WDPCP: variants seen among roughly 807,000 people sequenced by gnomAD.
WDPCP encodes WD repeat-containing and planar cell polarity effector protein fritz homolog.
In WDPCP, 71 loss-of-function variants were observed where a neutral mutation model predicts 93.1. The ratio of observed to expected loss-of-function variants is 0.76; its 90% CI spans 0.63 to 0.93. The LOEUF is 0.93. WDPCP is among the 40% of genes least tolerant of loss of function. The pLI, the probability that WDPCP is intolerant of heterozygous loss-of-function variation, is 0.00. For synonymous variants in WDPCP, 315 were observed against 315.0 expected, an observed-to-expected ratio of 1.00 and a Z score of 0.00; for missense variants, 844 against 887.4, an observed-to-expected ratio of 0.95 and a Z score of 0.62.
intron 2 of WDPCP, among the ~76,000 whole-genome samples, chr2:63,809,288 T>TGGG (rs1210540298): frequency 1.5e-5 from 2 of 132,034 alleles, no homozygotes; most frequent in Admixed American, 1.5e-4. Flanking sequence ...GGGAGGGAGG[T>TGGG]GGGGGTTCAG....
intron 2 of WDPCP, among the ~76,000 whole-genome samples, chr2:63,721,760 T>C (rs1669418720): frequency 1.1e-5 from 1 of 93,990 alleles, no homozygotes; most frequent in Non-Finnish European, 2.0e-5. Flanking sequence ...TCCCTCTCCC[T>C]CTCTTTCCAC....
At chr2:63,598,817 G>T (rs1000590387) in intron 3 of WDPCP, among the ~76,000 whole-genome samples, 1 of 148,302 alleles carries the variant, frequency 6.7e-6, no homozygotes, top group Non-Finnish European at 1.5e-5. Flanking sequence ...AAGCGTCCTT[G>T]TTCGTGAGAA....
chr2:63,776,510 C>G (rs539609078), intron 2 of WDPCP, among the ~76,000 whole-genome samples: 3 of 151,650 alleles, frequency 2.0e-5, no homozygotes, highest in Non-Finnish European at 4.4e-5. Flanking sequence ...CAAAAAATTA[C>G]CTGGGTGTGG....
intron 1 of WDPCP, among the ~76,000 whole-genome samples, chr2:63,494,981 G>A (rs1352451428): frequency 1.3e-5 from 2 of 151,358 alleles, no homozygotes; most frequent in African/African-American, 4.9e-5. Flanking sequence ...AAAGTGCACA[G>A]TGGATAGTGA....
intron 3 of WDPCP, among the ~76,000 whole-genome samples, chr2:63,637,976 T>C (rs1327896250): frequency 6.6e-6 from 1 of 152,200 alleles, no homozygotes; most frequent in Admixed American, 6.5e-5. Context: ...TAAAGAGATA[T>C]CTACACTCTC....
rs80258708 is a variant in WDPCP, at chr2:63,192,546, C to T, written c.1916-17714G>A. ...AAGGTAGGTATCATTACCCCATTTG[C>T]AGATACAGAAACTGAGGGTCAAAGA... On this transcript the variant is annotated intron_variant, in intron 14 of 17. Coordinates refer to ENST00000272321, the MANE Select transcript of WDPCP (RefSeq NM_015910.7). Among the ~76,000 whole-genome samples the T allele has an allele frequency of 7.9e-4, 120 of 152,308 alleles. 2 individuals carry two copies. The South Asian group carries it at 0.013, about 17-fold the overall frequency.
chr2:63,619,172 T>C (rs1326679970), intron 3 of WDPCP, among the ~76,000 whole-genome samples: 1 of 152,234 alleles, frequency 6.6e-6, no homozygotes, highest in African/African-American at 2.4e-5. Context: ...CCATGTTAGT[T>C]GGCTGGCCAT....
chr2:63,474,972 G>A (rs1367176008), intron 6 of WDPCP, among the ~76,000 whole-genome samples: 4 of 152,040 alleles, frequency 2.6e-5, no homozygotes, highest in East Asian at 3.8e-4. Context: ...GGGCTTCTCT[G>A]TGTTTTCCAA....
intron 13 of WDPCP, among the ~76,000 whole-genome samples, chr2:63,302,043 T>A (rs1449952531): frequency 6.6e-6 from 1 of 152,172 alleles, no homozygotes; most frequent in African/African-American, 2.4e-5. Context: ...AGAAGCAACT[T>A]CGAAGGGAAC....
intron 1 of WDPCP, among the ~76,000 whole-genome samples, chr2:63,521,083 A>G (rs1340394790): frequency 6.6e-6 from 1 of 152,144 alleles, no homozygotes; most frequent in East Asian, 1.9e-4. Flanking sequence ...GAAAGGAAAG[A>G]CTGTCACCAG....
At chr2:63,530,888 G>GA (rs397775458) in intron 1 of WDPCP, among the ~76,000 whole-genome samples, 5 of 151,808 alleles carry the variant, frequency 3.3e-5, no homozygotes, top group African/African-American at 9.7e-5. Flanking sequence ...AGCAAGGCGG[G>GA]CATTGCCTCA....
chr2:63,789,156 A>T (rs1316828226), intron 2 of WDPCP, among the ~76,000 whole-genome samples: 1 of 152,196 alleles, frequency 6.6e-6, no homozygotes, highest in Non-Finnish European at 1.5e-5. Context: ...GAAAAATATA[A>T]CAGAGATGTG....
chr2:63,587,710 C>G (rs1490776505), intron 1 of WDPCP, among the ~76,000 whole-genome samples: 1 of 152,236 alleles, frequency 6.6e-6, no homozygotes, highest in Non-Finnish European at 1.5e-5. Flanking sequence ...AAGAGAACCT[C>G]TTAAGTTGTT....
At chr2:63,234,439 G>A (rs1447833359) in intron 14 of WDPCP, among the ~76,000 whole-genome samples, 1 of 152,074 alleles carries the variant, frequency 6.6e-6, no homozygotes, top group Non-Finnish European at 1.5e-5. Flanking sequence ...GGGTGACAGA[G>A]CAAGATTTCA....
At chr2:63,600,503 A>G (rs1166459111) in intron 3 of WDPCP, among the ~76,000 whole-genome samples, 1 of 152,204 alleles carries the variant, frequency 6.6e-6, no homozygotes, top group Non-Finnish European at 1.5e-5. Context: ...AGTATATTCA[A>G]TGTTTAAAAT....
At chr2:63,226,693 C>T (rs1678321275) in intron 14 of WDPCP, among the ~76,000 whole-genome samples, 1 of 151,800 alleles carries the variant, frequency 6.6e-6, no homozygotes, top group South Asian at 2.1e-4. Flanking sequence ...TACTGTAGAA[C>T]ATACATTTAT....
intron 13 of WDPCP, among the ~76,000 whole-genome samples, chr2:63,297,049 C>T (rs912836723): frequency 1.3e-5 from 2 of 152,128 alleles, no homozygotes; most frequent in East Asian, 1.9e-4. Flanking sequence ...GTTCTGGATG[C>T]CTACTGACTC....
chr2:63,425,122 A>AGAC (rs776224906), intron 9 of WDPCP, among the ~76,000 whole-genome samples: 17 of 152,270 alleles, frequency 1.1e-4, no homozygotes, highest in Admixed American at 2.6e-4. Context: ...GATCCTGTGC[A>AGAC]GACACTTGGC....
chr2:63,742,464 G>T (rs1208218689), intron 2 of WDPCP, among the ~76,000 whole-genome samples: 2 of 151,438 alleles, frequency 1.3e-5, no homozygotes, highest in African/African-American at 2.4e-5. Context: ...TTACAGAATA[G>T]GTCCCAGGGA....
Sources: allele counts gnomAD v4.1 joint callset (sites outside exome capture counted in the v4.1 genomes callset), GRCh38; gene constraint gnomAD v4.1.1; transcripts MANE v1.5; gene names NCBI Gene and HGNC (gene_info 2026-07-23, HGNC 2026-07-21).